LPA: variants seen among roughly 807,000 people sequenced by gnomAD.
The protein encoded by LPA is apolipoprotein(a).
LPA carries 199 observed loss-of-function variants against 197.9 expected under a neutral mutation model. That is an observed-to-expected ratio of 1.01 (90% CI 0.90 to 1.13). The LOEUF (loss-of-function observed/expected upper bound fraction) is 1.13. Among genes scored for constraint, LPA ranks in the 50% most tolerant of loss-of-function variants. LPA has a pLI of 0.00. For synonymous variants in LPA, 715 were observed against 639.5 expected (o/e 1.12, Z -1.78); for missense variants, 1,853 against 1,785.8 (o/e 1.04, Z -0.68).
intron 21 of LPA, 38 bp downstream of exon 21, chr6:160,595,316 C>A (rs371123647): frequency 2.5e-6 from 4 of 1,608,430 alleles, no homozygotes; most frequent in African/African-American, 2.7e-5. Context: ...TTCATCCCAA[C>A]GTCCTAGGGT....
At chr6:160,654,324 C>G (rs1362537307) in intron 1 of LPA, among the ~76,000 whole-genome samples, 1 of 149,416 alleles carries the variant, frequency 6.7e-6, no homozygotes, top group African/African-American at 2.5e-5. Flanking sequence ...ACATTTTTCT[C>G]CCTGCTTTAC....
chr6:160,584,961 C>T (rs1778878712), intron 26 of LPA, 85 bp downstream of exon 26: 1 of 1,417,468 alleles, frequency 7.1e-7, no homozygotes, highest in Non-Finnish European at 1.0e-6. Context: ...AAATTTGGAC[C>T]TAGGAAGTGA....
At chr6:160,662,426 C>G (rs1780242186) in intron 1 of LPA, among the ~76,000 whole-genome samples, 1 of 152,178 alleles carries the variant, frequency 6.6e-6, no homozygotes, top group African/African-American at 2.4e-5. Context: ...ACTTTTTCCT[C>G]TCCCCGGGCA....
chr6:160,602,174 C>T (rs186087141), intron 18 of LPA, among the ~76,000 whole-genome samples: 10 of 152,306 alleles, frequency 6.6e-5, no homozygotes, highest in Admixed American at 5.2e-4. Flanking sequence ...GAAGCTGGTT[C>T]AATGAGCAAC....
intron 16 of LPA, among the ~76,000 whole-genome samples, chr6:160,607,307 C>A (rs1333805308): frequency 6.6e-6 from 1 of 152,054 alleles, no homozygotes; most frequent in Non-Finnish European, 1.5e-5. Flanking sequence ...TCAAAGCTGC[C>A]CTGGAAAACT....
At chr6:160,608,044 T>G (rs1040477177) in intron 16 of LPA, among the ~76,000 whole-genome samples, 1 of 152,180 alleles carries the variant, frequency 6.6e-6, no homozygotes, top group Non-Finnish European at 1.5e-5. Context: ...CCTCTACATA[T>G]GCTAAAATTA....
chr6:160,586,558 A>C lies in LPA; in HGVS notation c.4020T>G (p.Ser1340Arg). Reference protein sequence around the residue: ...IRPWCYTMDPSVRWEYCNLTQ... With the variant: ...IRPWCYTMDPRVRWEYCNLTQ... ...TCAGGTTGCAGTACTCCCATCTGAC[A>C]CTGGGATCCATGGTATAACACCAAG... Residue 1340 changes from serine to arginine, a missense_variant, in exon 25 of 39, where the codon AGT (serine) becomes AGG (arginine). Transcript: ENST00000316300. 1.2e-6 allele frequency: 2 copies of C among 1,613,804 alleles called. No individual in the cohort carries two copies. The highest frequency in any genetic ancestry group is 1.7e-6 in the Non-Finnish European group (2 of 1,179,812).
chr6:160,548,936 C>G (rs1259686143), intron 30 of LPA, among the ~76,000 whole-genome samples: 1 of 152,156 alleles, frequency 6.6e-6, no homozygotes, highest in Non-Finnish European at 1.5e-5. Flanking sequence ...CCGAGACAGA[C>G]TGGGTAAGTT....
intron 30 of LPA, among the ~76,000 whole-genome samples, chr6:160,551,320 AT>A (rs998918601): frequency 6.6e-6 from 1 of 152,112 alleles, no homozygotes; most frequent in Non-Finnish European, 1.5e-5. Flanking sequence ...TCAGGTGCTT[AT>A]TGGCTATGTG....
rs41264852 is a variant in LPA, at chr6:160,545,964, G to A, written c.5305-431C>T. ...TGCATTATGCACCATCCACAGCCAA[G>A]ACACACAAAGGCAGTATCATCCTTA... On this transcript the variant is annotated intron_variant, in intron 32 of 38. Coordinates refer to ENST00000316300, the MANE Select transcript of LPA (RefSeq NM_005577.4). 7.2e-3 allele frequency among the ~76,000 whole-genome samples: 1,101 copies of A among 152,298 alleles called. 8 individuals carry two copies. The highest frequency in any genetic ancestry group is 0.048 in the Middle Eastern group (14 of 294).
At chr6:160,542,876 G>A in intron 33 of LPA, 68 bp from the exon 34 acceptor site, 2 of 1,606,188 alleles carry the variant, frequency 1.2e-6, no homozygotes, top group South Asian at 1.1e-5. Flanking sequence ...TTTAATTCAG[G>A]ACGAATTCCA....
intron 30 of LPA, among the ~76,000 whole-genome samples, chr6:160,550,223 A>G (rs1026149459): frequency 6.8e-5 from 10 of 148,010 alleles, no homozygotes; most frequent in Non-Finnish European, 9.0e-5. Flanking sequence ...CTGTCAAGAA[A>G]AAAAAAAAAA....
At chr6:160,532,416 A>G in intron 38 of LPA, 115 bp downstream of exon 38, 2 of 808,356 alleles carry the variant, frequency 2.5e-6, no homozygotes, top group South Asian at 1.3e-5. Context: ...CAACACTTAG[A>G]CTGGGGTCTT....
rs547907873 is a variant in LPA at position 160,595,550 on chromosome 6, A to T, written c.3288-15T>A. ...TGGTCAGGCCACTGCAAATTTCAAA[A>T]CAACACAGGTCACCAGAGATGGGAG... On this transcript the variant is annotated splice_polypyrimidine_tract_variant and intron_variant, in intron 20 of 38. Transcript: ENST00000316300. The T allele has an allele frequency of 1.2e-6, 2 of 1,613,794 alleles. No individual in the cohort carries two copies. The highest frequency in any genetic ancestry group is 2.7e-5 in the African/African-American group (2 of 74,914).
intron 1 of LPA, among the ~76,000 whole-genome samples, chr6:160,663,802 C>A (rs899543536): frequency 6.6e-6 from 1 of 152,142 alleles, no homozygotes; most frequent in African/African-American, 2.4e-5. Context: ...GAGCATGGCA[C>A]CTGAACAGAG....
chr6:160,544,558 C>T (rs756925289), intron 33 of LPA, among the ~76,000 whole-genome samples: 6 of 152,156 alleles, frequency 3.9e-5, no homozygotes, highest in Non-Finnish European at 7.4e-5. Flanking sequence ...CATCACTGCC[C>T]TGTACCACCT....
At chr6:160,564,142 G>A (rs149082045) in intron 28 of LPA, among the ~76,000 whole-genome samples, 6,140 of 152,222 alleles carry the variant, frequency 0.04, 394 homozygotes, top group African/African-American at 0.14. Flanking sequence ...ATTAGTTGAT[G>A]CAGTTTCTTT....
intron 28 of LPA, among the ~76,000 whole-genome samples, chr6:160,576,420 A>T (rs1177863776): frequency 1.6e-5 from 2 of 126,008 alleles, no homozygotes; most frequent in East Asian, 4.3e-4. Flanking sequence ...ATATATGGGT[A>T]TATATATATA....
intron 16 of LPA, 99 bp from the exon 17 acceptor site, chr6:160,606,757 C>T: frequency 3.9e-6 from 6 of 1,521,820 alleles, no homozygotes; most frequent in African/African-American, 1.4e-5. Context: ...ATTACCAGTG[C>T]CTTTCTAATA....
Sources: gnomAD v4.1 joint callset for allele counts (sites outside exome capture counted in the v4.1 genomes callset) on GRCh38, gnomAD v4.1.1 for gene constraint, MANE v1.5 for transcripts, NCBI Gene and HGNC (gene_info 2026-07-23, HGNC 2026-07-21) for gene names.